PCDHGA11: variants seen among roughly 807,000 people sequenced by gnomAD.
PCDHGA11 encodes the protein protocadherin gamma subfamily A, 11, also known as protocadherin gamma-A11.
In PCDHGA11, 39 loss-of-function variants were observed where a neutral mutation model predicts 60.4. The ratio of observed to expected loss-of-function variants is 0.65; its 90% CI spans 0.50 to 0.84. The LOEUF (loss-of-function observed/expected upper bound fraction) is 0.84. PCDHGA11 is among the 40% of genes least tolerant of loss of function. The pLI, the probability that PCDHGA11 is intolerant of heterozygous loss-of-function variation, is 0.00. For synonymous variants in PCDHGA11, 533 were observed against 510.3 expected, an observed-to-expected ratio of 1.04 and a Z score of -0.60; for missense variants, 1,165 against 1,197.7, an observed-to-expected ratio of 0.97 and a Z score of 0.40.
chr5:141,482,144 G>A (rs564178008), intron 1 of PCDHGA11, among the ~76,000 whole-genome samples: 2 of 151,756 alleles, frequency 1.3e-5, no homozygotes, highest in African/African-American at 2.4e-5. Flanking sequence ...GGCATAAAAA[G>A]GTCAAGTCAA....
intron 1 of PCDHGA11, among the ~76,000 whole-genome samples, chr5:141,452,803 A>G (rs1045171800): frequency 2.6e-5 from 4 of 152,186 alleles, no homozygotes; most frequent in African/African-American, 9.7e-5. Context: ...TTTTTGCTGT[A>G]GTTTGTTCAT....
At chr5:141,468,077 C>T (rs180732917) in intron 1 of PCDHGA11, among the ~76,000 whole-genome samples, 1 of 152,152 alleles carries the variant, frequency 6.6e-6, no homozygotes, top group East Asian at 1.9e-4. Flanking sequence ...GTAATCCCAG[C>T]ACTTTGGGAG....
In PCDHGA11 at chr5:141,422,741, A is replaced by G. The variant is rs1319821802; in HGVS notation, c.1514A>G (p.Tyr505Cys). Reference sequence around the variant, plus strand: ...GTCCAGGGGGTGCCTCTGTCCTCCTATGTCTCTATTAACTCCAACACTGGT... The same window carrying G: ...GTCCAGGGGGTGCCTCTGTCCTCCTGTGTCTCTATTAACTCCAACACTGGT... ...DTVQGVPLSS[Y>C]VSINSNTGVL... Residue 505 changes from tyrosine to cysteine, a missense_variant, in exon 1 of 4, where the codon TAT becomes TGT. Transcript: ENST00000398587. 1 of 1,610,084 alleles carries G rather than the reference A, an allele frequency of 6.2e-7. No homozygotes were observed. The highest frequency in any genetic ancestry group is 8.5e-7 in the Non-Finnish European group (1 of 1,177,688).
chr5:141,458,888 T>C (rs756640295), intron 1 of PCDHGA11, among the ~76,000 whole-genome samples: 3 of 152,118 alleles, frequency 2.0e-5, no homozygotes, highest in Non-Finnish European at 2.9e-5. Flanking sequence ...ATGCACACCA[T>C]GCGCAGCTAA....
At chr5:141,456,815 T>A (rs867637586) in intron 1 of PCDHGA11, among the ~76,000 whole-genome samples, 5 of 151,934 alleles carry the variant, frequency 3.3e-5, no homozygotes, top group Non-Finnish European at 7.4e-5. Flanking sequence ...ATACAAAAAA[T>A]TAGCCATCGT....
At position 141,490,707 on chromosome 5, in the gene PCDHGA11, C is replaced by T; in HGVS notation, c.2434-4100C>T. ...CAGACACTGGGGATAATGCCCGCCT[C>T]ACCTACTCCATTGTAGGAAATCAGG... On this transcript the variant is annotated intron_variant, in intron 1 of 3. Transcript: ENST00000398587. The surrounding 1 kb of genome is among the most constrained non-coding windows in gnomAD (Gnocchi z 5.4). The T allele has an allele frequency of 3.1e-6, 5 of 1,614,194 alleles. No individual in the cohort carries two copies. Among genetic ancestry groups the T allele is most frequent in the Non-Finnish European group, 3.4e-6 (4 of 1,180,008 alleles).
At position 141,511,426 on chromosome 5, in the gene PCDHGA11, G is replaced by C. The variant is rs2099883789; in HGVS notation, c.*253G>C. 2.5e-6 allele frequency: 2 copies of C among 798,652 alleles called. No homozygotes were observed. The highest frequency in any genetic ancestry group is 3.8e-6 in the Non-Finnish European group (2 of 529,972). 49.5% of individuals were successfully genotyped at this position (798,652 alleles called of 1,614,324 possible). ...CAACTGCTGTACCCATGGGGGTAGTGGGGTTACTGTAGACACCAAGAACCA... is the reference window on the plus strand; with the variant it reads ...CAACTGCTGTACCCATGGGGGTAGTCGGGTTACTGTAGACACCAAGAACCA... On this transcript the variant is annotated 3_prime_UTR_variant, in exon 4 of 4. Transcript: ENST00000398587.
In PCDHGA11 at chr5:141,490,309, A is replaced by G. The variant is rs1485303337; in HGVS notation, c.2434-4498A>G. On this transcript the variant is annotated intron_variant, in intron 1 of 3. Transcript: ENST00000398587. The surrounding 1 kb of genome is among the most constrained non-coding windows in gnomAD (Gnocchi z 5.4). ...AGAGGTGCTATTGGCCTCTTTGGCCAACCCTGTCCTAGAGAGCACACCAGT... is the reference window on the plus strand; with the variant it reads ...AGAGGTGCTATTGGCCTCTTTGGCCGACCCTGTCCTAGAGAGCACACCAGT... The G allele has an allele frequency of 2.8e-5, 46 of 1,614,126 alleles. No homozygotes were observed. Among genetic ancestry groups the G allele is most frequent in the Non-Finnish European group, 3.8e-5 (45 of 1,180,056 alleles).
intron 3 of PCDHGA11, among the ~76,000 whole-genome samples, chr5:141,510,244 G>A (rs549784078): frequency 6.6e-6 from 1 of 151,116 alleles, no homozygotes; most frequent in African/African-American, 2.4e-5. Flanking sequence ...CTGCACTCCA[G>A]GCTGGGCGAC....
chr5:141,504,130 C>T (rs1334901812), intron 2 of PCDHGA11, among the ~76,000 whole-genome samples: 1 of 152,154 alleles, frequency 6.6e-6, no homozygotes, highest in African/African-American at 2.4e-5. Flanking sequence ...TGTTTCCCGC[C>T]AACACTCCCC....
rs561122870 is a variant in PCDHGA11 at position 141,439,444 on chromosome 5, C to T, written c.2433+15784C>T. On this transcript the variant is annotated intron_variant, in intron 1 of 3. Transcript: ENST00000398587. ...ATAAATTCCCAGGAATATTTTATTG[C>T]GGGAGCAAGACTGCACTGCTGCCTT... Among the ~76,000 whole-genome samples the T allele has an allele frequency of 3.0e-4, 46 of 152,264 alleles. 1 individual carries two copies. The South Asian group carries it at 6.2e-3, about 21-fold the overall frequency.
At chr5:141,446,295 G>A (rs146503397) in intron 1 of PCDHGA11, among the ~76,000 whole-genome samples, 1 of 152,196 alleles carries the variant, frequency 6.6e-6, no homozygotes, top group Non-Finnish European at 1.5e-5. Flanking sequence ...TGGGGAGCAG[G>A]GATTAAGAGT....
At position 141,485,225 on chromosome 5, in the gene PCDHGA11, T is replaced by C; in HGVS notation, c.2434-9582T>C. The C allele has an allele frequency of 1.2e-6, 2 of 1,614,156 alleles. No homozygotes were observed. Among genetic ancestry groups the C allele is most frequent in the Non-Finnish European group, 1.7e-6 (2 of 1,180,010 alleles). On this transcript the variant is annotated intron_variant, in intron 1 of 3. Coordinates refer to ENST00000398587, the MANE Select transcript of PCDHGA11 (RefSeq NM_018914.3). The surrounding 1 kb of genome is among the most constrained non-coding windows in gnomAD (Gnocchi z 5.7). Reference sequence around the variant, plus strand: ...AGAAATCTGGCGGTGGGCTACCCTTTTGTTCCTCTTTTACCACCTGGGTTA... The same window carrying C: ...AGAAATCTGGCGGTGGGCTACCCTTCTGTTCCTCTTTTACCACCTGGGTTA...
chr5:141,483,121 T>C (rs922863446), intron 1 of PCDHGA11, among the ~76,000 whole-genome samples: 1 of 152,052 alleles, frequency 6.6e-6, no homozygotes, highest in Admixed American at 6.6e-5. Flanking sequence ...ACAGTCTTTG[T>C]AGGAGATGAG....
intron 1 of PCDHGA11, chr5:141,430,973 A>G: frequency 6.2e-7 from 1 of 1,613,266 alleles, no homozygotes; most frequent in East Asian, 2.2e-5. Flanking sequence ...CAGAGGTAGG[A>G]CGCAGCTTTT....
At chr5:141,504,206 A>G (rs1209911822) in intron 2 of PCDHGA11, among the ~76,000 whole-genome samples, 1 of 152,218 alleles carries the variant, frequency 6.6e-6, no homozygotes, top group African/African-American at 2.4e-5. Flanking sequence ...CTGTGGGAAA[A>G]TTCCAAGTAG....
chr5:141,494,843 G>T lies in PCDHGA11; in HGVS notation c.2470G>T (p.Ala824Ser). The T allele has an allele frequency of 6.2e-7, 1 of 1,614,088 alleles. No individual in the cohort carries two copies. The highest frequency in any genetic ancestry group is 8.5e-7 in the Non-Finnish European group (1 of 1,180,006). ...PPNTDWRFSQ[A>S]QRPGTSGSQN... Reference sequence around the variant, plus strand: ...CAACACGGACTGGCGTTTCTCTCAGGCCCAGAGACCCGGCACCAGCGGGTA... The same window carrying T: ...CAACACGGACTGGCGTTTCTCTCAGTCCCAGAGACCCGGCACCAGCGGGTA... Residue 824 changes from alanine (A) to serine (S), a missense_variant, in exon 2 of 4, where the codon GCC becomes TCC. Transcript: ENST00000398587.
In PCDHGA11 at chr5:141,451,935, A is replaced by G. The variant is rs148815534; in HGVS notation, c.2433+28275A>G. Among the ~76,000 whole-genome samples, 120 of 152,282 alleles carry G rather than the reference A, an allele frequency of 7.9e-4. 5 individuals carry two copies. The East Asian group carries it at 0.017, about 21-fold the overall frequency. ...GAGGAAGGAAGGGAGGTAGGGAGGC[A>G]GGGAAAGACCGAGAAAGTGACATAC... On this transcript the variant is annotated intron_variant, in intron 1 of 3. Coordinates refer to ENST00000398587, the MANE Select transcript of PCDHGA11 (RefSeq NM_018914.3).
At chr5:141,445,573 A>G (rs1311326050) in intron 1 of PCDHGA11, among the ~76,000 whole-genome samples, 1 of 152,248 alleles carries the variant, frequency 6.6e-6, no homozygotes, top group Admixed American at 6.5e-5. Flanking sequence ...AGCTTATAGT[A>G]GGGAAGCTTC....
Sources: gnomAD v4.1 joint callset for allele counts (sites outside exome capture counted in the v4.1 genomes callset) on GRCh38, gnomAD v4.1.1 for gene constraint, Gnocchi (gnomAD v3.1) non-coding constraint, MANE v1.5 for transcripts, NCBI Gene and HGNC (gene_info 2026-07-23, HGNC 2026-07-21) for gene names.